The following NXPH2 variants were observed in gnomAD, a reference collection of about 807,000 sequenced individuals.
The protein encoded by NXPH2 is neurexophilin-2.
Under a neutral mutation model 19.8 loss-of-function variants are expected in NXPH2, and 5 were observed. The ratio of observed to expected loss-of-function variants is 0.25; its 90% confidence interval spans 0.13 to 0.53. The LOEUF (loss-of-function observed/expected upper bound fraction) is 0.53. Ranked by LOEUF, NXPH2 falls within the 20% of genes least tolerant of loss-of-function variation. NXPH2 has a pLI of 0.96. For synonymous variants in NXPH2, 154 were observed against 127.4 expected, an observed-to-expected ratio of 1.21 and a Z score of -1.41; for missense variants, 289 against 322.8, an observed-to-expected ratio of 0.90 and a Z score of 0.80.
intron 1 of NXPH2, 129 bp downstream of exon 1, chr2:138,780,062 T>A: frequency 1.1e-6 from 1 of 882,506 alleles, no homozygotes; most frequent in Non-Finnish European, 1.6e-6. Flanking sequence ...CAAAACTCCT[T>A]GCCCTCCGCG....
intron 1 of NXPH2, among the ~76,000 whole-genome samples, chr2:138,685,925 T>C (rs1401973733): frequency 6.6e-6 from 1 of 152,180 alleles, no homozygotes; most frequent in Non-Finnish European, 1.5e-5. Context: ...TGGTTCTTCC[T>C]CTTGTATATT....
intron 1 of NXPH2, among the ~76,000 whole-genome samples, chr2:138,715,709 T>C (rs1681187058): frequency 6.6e-6 from 1 of 152,154 alleles, no homozygotes; most frequent in South Asian, 2.1e-4. Context: ...GGCTTTCCTG[T>C]TTCTACTTCT....
At position 138,691,739 on chromosome 2, in the gene NXPH2, A is replaced by T. The variant is rs151094061; in HGVS notation, c.52-20074T>A. On this transcript the variant is annotated intron_variant, in intron 1 of 1. Transcript: ENST00000272641. ...ATGGAGATGGAAAGGGGCCCAGATG[A>T]GTGCAAACTGCCAGCCATCCCTTCC... 1.1e-3 allele frequency among the ~76,000 whole-genome samples: 167 copies of T among 152,268 alleles called. 1 individual carries two copies. Among genetic ancestry groups the T allele is most frequent in the African/African-American group, 2.9e-3 (122 of 41,570 alleles).
chr2:138,759,623 A>AT (rs1462965506), intron 1 of NXPH2, among the ~76,000 whole-genome samples: 1 of 151,916 alleles, frequency 6.6e-6, no homozygotes. Context: ...TTCCACTTGT[A>AT]TATCACGAGC....
At position 138,670,792 on chromosome 2, in the gene NXPH2, A is replaced by G; in HGVS notation, c.*130T>C. The G allele has an allele frequency of 1.0e-6, 1 of 964,518 alleles. No homozygotes were observed. Among genetic ancestry groups the G allele is most frequent in the Middle Eastern group, 2.4e-4 (1 of 4,218 alleles). The allele number at this position is 964,518 out of a possible 1,614,324, so 59.7% of individuals were successfully genotyped here. The stretch of plus-strand genomic sequence containing the variant: ...GTCTCTTTTTCTTTTTTTAAATTTG[A>G]AAACCTGATAGGGAACTATTGTTCA... On this transcript the variant is annotated 3_prime_UTR_variant, in exon 2 of 2. Transcript: ENST00000272641.
chr2:138,725,888 T>A (rs978025414), intron 1 of NXPH2, among the ~76,000 whole-genome samples: 4 of 152,198 alleles, frequency 2.6e-5, no homozygotes, highest in African/African-American at 9.7e-5. Context: ...ATTCACATTA[T>A]CTCCATTTAT....
chr2:138,682,353 G>A (rs1189709219), intron 1 of NXPH2, among the ~76,000 whole-genome samples: 1 of 152,110 alleles, frequency 6.6e-6, no homozygotes, highest in African/African-American at 2.4e-5. Context: ...AGCATACAAT[G>A]CTGTATTGAT....
intron 1 of NXPH2, among the ~76,000 whole-genome samples, chr2:138,768,856 A>G (rs527332556): frequency 1.3e-5 from 2 of 152,342 alleles, no homozygotes; most frequent in African/African-American, 4.8e-5. Context: ...ATTATTTTAT[A>G]AGGAAAGAAA....
intron 1 of NXPH2, among the ~76,000 whole-genome samples, chr2:138,761,255 G>T (rs1176249347): frequency 1.3e-5 from 2 of 152,004 alleles, no homozygotes; most frequent in African/African-American, 2.4e-5. Context: ...TTCTCTGAAG[G>T]GTCCCATTGC....
chr2:138,722,409 T>C (rs1421067904), intron 1 of NXPH2, among the ~76,000 whole-genome samples: 1 of 152,150 alleles, frequency 6.6e-6, no homozygotes, highest in Non-Finnish European at 1.5e-5. Flanking sequence ...GAAGTATGTG[T>C]GGTTGGAGCG....
At chr2:138,733,527 A>G (rs1482261395) in intron 1 of NXPH2, among the ~76,000 whole-genome samples, 1 of 152,224 alleles carries the variant, frequency 6.6e-6, no homozygotes, top group Non-Finnish European at 1.5e-5. Context: ...AAGAGTTTAA[A>G]TGAATGGAGA....
chr2:138,759,027 T>C (rs1681960046), intron 1 of NXPH2, among the ~76,000 whole-genome samples: 3 of 152,248 alleles, frequency 2.0e-5, no homozygotes, highest in Admixed American at 6.5e-5. Context: ...GAGTAATAGA[T>C]TGACATTTGA....
chr2:138,747,479 C>A (rs937977475), intron 1 of NXPH2, among the ~76,000 whole-genome samples: 2 of 152,174 alleles, frequency 1.3e-5, no homozygotes, highest in East Asian at 1.9e-4. Flanking sequence ...GTGTGGTACA[C>A]TTGGCCCCTG....
Position 138,682,775 on chromosome 2 carries a change from C to T in NXPH2, c.52-11110G>A, listed in dbSNP as rs550435747. Among the ~76,000 whole-genome samples, 30 of 152,260 alleles carry T rather than the reference C, an allele frequency of 2.0e-4. No homozygotes were observed. In the East Asian group the frequency reaches 4.4e-3, roughly 23 times the overall value. On this transcript the variant is annotated intron_variant, in intron 1 of 1. Transcript: ENST00000272641. ...GCAATGCTTGGCAGTAGTTTTATTG[C>T]TAAGGTTAAATATGGCAATTCTTAT...
intron 1 of NXPH2, among the ~76,000 whole-genome samples, chr2:138,672,939 G>A (rs183100562): frequency 6.6e-6 from 1 of 152,292 alleles, no homozygotes; most frequent in East Asian, 1.9e-4. Context: ...TAAAAGTTTA[G>A]AAGCTTAAAT....
chr2:138,736,510 T>C (rs982649806), intron 1 of NXPH2, among the ~76,000 whole-genome samples: 1 of 152,192 alleles, frequency 6.6e-6, no homozygotes, highest in Non-Finnish European at 1.5e-5. Flanking sequence ...GTACACAGCA[T>C]GGGGTCTCCT....
At chr2:138,673,316 T>G (rs1680438772) in intron 1 of NXPH2, among the ~76,000 whole-genome samples, 1 of 152,182 alleles carries the variant, frequency 6.6e-6, no homozygotes, top group South Asian at 2.1e-4. Flanking sequence ...ACTCTGGATT[T>G]CTGGCTCAAA....
At chr2:138,741,073 C>T (rs1197814587) in intron 1 of NXPH2, among the ~76,000 whole-genome samples, 2 of 152,072 alleles carry the variant, frequency 1.3e-5, no homozygotes, top group East Asian at 1.9e-4. Context: ...ATATAAACTC[C>T]TGGTAAAAAT....
At chr2:138,747,172 C>T (rs558556023) in intron 1 of NXPH2, among the ~76,000 whole-genome samples, 11 of 152,204 alleles carry the variant, frequency 7.2e-5, no homozygotes, top group South Asian at 2.1e-4. Context: ...TATTCATGCA[C>T]GTTTATCATG....
Sources: gnomAD v4.1 joint callset for allele counts (sites outside exome capture counted in the v4.1 genomes callset) on GRCh38, gnomAD v4.1.1 for gene constraint, MANE v1.5 for transcripts, NCBI Gene and HGNC (gene_info 2026-07-23, HGNC 2026-07-21) for gene names.